The following ANKS1B variants were observed in gnomAD, a reference collection of about 807,000 sequenced individuals.
ANKS1B encodes ankyrin repeat and sterile alpha motif domain containing 1B.
Under a neutral mutation model 148.3 loss-of-function variants are expected in ANKS1B, and 36 were observed. The ratio of observed to expected loss-of-function variants is 0.24; its 90% CI spans 0.19 to 0.32. The LOEUF (loss-of-function observed/expected upper bound fraction) is 0.32. ANKS1B is among the 10% of genes least tolerant of loss of function. The probability of loss-of-function intolerance (pLI) is 1.00; values close to 1 mark genes in which losing one functional copy is unlikely to be tolerated. For missense variants in ANKS1B, 1,157 were observed against 1,542.6 expected (o/e 0.75, Z 4.19); for synonymous variants, 542 against 560.8 (o/e 0.97, Z 0.47).
chr12:99,242,742 A>G (rs907786507), intron 14 of ANKS1B, among the ~76,000 whole-genome samples: 2 of 152,196 alleles, frequency 1.3e-5, no homozygotes, highest in East Asian at 3.8e-4. Context: ...AACAACACAC[A>G]TCTACAACCA....
At chr12:99,869,937 CT>C (rs2091285564) in intron 1 of ANKS1B, among the ~76,000 whole-genome samples, 1 of 151,626 alleles carries the variant, frequency 6.6e-6, no homozygotes, top group Admixed American at 6.6e-5. Flanking sequence ...TTTTTTCTTG[CT>C]TTTTTTATAA....
At chr12:99,550,538 C>T (rs1401751243) in intron 9 of ANKS1B, among the ~76,000 whole-genome samples, 6 of 151,624 alleles carry the variant, frequency 4.0e-5, no homozygotes, top group Non-Finnish European at 7.4e-5. Flanking sequence ...GCAGGAGAAT[C>T]GCTTGAACCC....
In ANKS1B at chr12:99,426,068, T is replaced by C. The variant is rs965502521; in HGVS notation, c.1575+17605A>G. Among the ~76,000 whole-genome samples the C allele has an allele frequency of 4.6e-5, 7 of 152,166 alleles. No homozygotes were observed. In the East Asian group the frequency reaches 1.3e-3, roughly 29 times the overall value. On this transcript the variant is annotated intron_variant, in intron 11 of 26. Coordinates refer to ENST00000683438, the MANE Select transcript of ANKS1B (RefSeq NM_001352186.2). ...GTTAATAGAGAAATGACTGCTGAGC[T>C]AATCATTTGTAACTGTTGTGACAGA...
At chr12:99,750,735 T>A (rs1285307250) in intron 8 of ANKS1B, among the ~76,000 whole-genome samples, 1 of 152,038 alleles carries the variant, frequency 6.6e-6, no homozygotes, top group Non-Finnish European at 1.5e-5. Flanking sequence ...TACCACCTTT[T>A]GACAGATAAG....
At chr12:99,818,378 A>G (rs2082125556) in intron 2 of ANKS1B, among the ~76,000 whole-genome samples, 1 of 151,828 alleles carries the variant, frequency 6.6e-6, no homozygotes, top group Admixed American at 6.6e-5. Context: ...TGCTATAAAC[A>G]TGCGTGTTCA....
intron 1 of ANKS1B, among the ~76,000 whole-genome samples, chr12:99,965,100 G>T (rs1239235070): frequency 1.3e-5 from 2 of 152,116 alleles, no homozygotes; most frequent in African/African-American, 4.8e-5. Flanking sequence ...CACTCCAAAA[G>T]CCATGAGCAT....
chr12:99,488,108 G>A, intron 10 of ANKS1B, among the ~76,000 whole-genome samples: 1 of 151,964 alleles, frequency 6.6e-6, no homozygotes, highest in Admixed American at 6.6e-5. Flanking sequence ...CCTTTTTAAT[G>A]TTTTTAGCCT....
chr12:98,754,077 A>G (rs1176634783), intron 25 of ANKS1B, among the ~76,000 whole-genome samples: 2 of 152,162 alleles, frequency 1.3e-5, no homozygotes, highest in African/African-American at 4.8e-5. Flanking sequence ...TGAGCTTGAG[A>G]GTCGGTTTGA....
At chr12:98,778,014 G>C (rs910400542) in intron 24 of ANKS1B, among the ~76,000 whole-genome samples, 1 of 152,278 alleles carries the variant, frequency 6.6e-6, no homozygotes, top group South Asian at 2.1e-4. Context: ...CGTTCTTCAC[G>C]ACCAACAGGC....
At chr12:98,894,664 G>T (rs1359676440) in intron 17 of ANKS1B, 2 of 985,588 alleles carry the variant, frequency 2.0e-6, no homozygotes, top group African/African-American at 3.5e-5. Flanking sequence ...GCCGGGATCC[G>T]CGAGGGCTGG....
intron 17 of ANKS1B, among the ~76,000 whole-genome samples, chr12:99,029,998 G>T (rs2099951000): frequency 6.6e-6 from 1 of 152,226 alleles, no homozygotes; most frequent in African/African-American, 2.4e-5. Context: ...AAAGTAGAGG[G>T]AATTTATCCT....
chr12:99,463,142 A>G (rs2096014685), intron 10 of ANKS1B, among the ~76,000 whole-genome samples: 1 of 152,236 alleles, frequency 6.6e-6, no homozygotes, highest in South Asian at 2.1e-4. Flanking sequence ...AAAACTACCA[A>G]CAGGCACTTC....
chr12:99,202,812 T>C (rs372010139), intron 14 of ANKS1B, among the ~76,000 whole-genome samples: 4 of 152,336 alleles, frequency 2.6e-5, no homozygotes, highest in Non-Finnish European at 5.9e-5. Flanking sequence ...CTGAGGTTAC[T>C]GGTGTGGTTG....
At chr12:98,926,661 G>A (rs1237668090) in intron 17 of ANKS1B, among the ~76,000 whole-genome samples, 1 of 152,092 alleles carries the variant, frequency 6.6e-6, no homozygotes, top group Non-Finnish European at 1.5e-5. Context: ...TGAAAATAAC[G>A]TTTTGGCAAA....
At chr12:99,276,547 T>A (rs1377103622) in intron 12 of ANKS1B, among the ~76,000 whole-genome samples, 3 of 152,152 alleles carry the variant, frequency 2.0e-5, no homozygotes, top group Admixed American at 2.0e-4. Flanking sequence ...CTCTCACCTA[T>A]AAGGAGAGAG....
chr12:99,324,812 A>C (rs2085998677), intron 12 of ANKS1B, among the ~76,000 whole-genome samples: 1 of 152,156 alleles, frequency 6.6e-6, no homozygotes, highest in South Asian at 2.1e-4. Flanking sequence ...CTAAAAAGAA[A>C]TATCAGGCAC....
intron 9 of ANKS1B, among the ~76,000 whole-genome samples, chr12:99,617,240 CTCAA>C (rs1475587074): frequency 6.6e-6 from 1 of 152,136 alleles, no homozygotes; most frequent in Admixed American, 6.5e-5. Flanking sequence ...GCAGCAATTC[CTCAA>C]TGATATAAAA....
chr12:99,886,186 A>G (rs1396345894), intron 1 of ANKS1B, among the ~76,000 whole-genome samples: 9 of 152,228 alleles, frequency 5.9e-5, no homozygotes, highest in Admixed American at 5.9e-4. Context: ...TGATTCTTAA[A>G]TAATGGCCAT....
intron 10 of ANKS1B, among the ~76,000 whole-genome samples, chr12:99,476,766 T>G (rs1049619315): frequency 2.0e-5 from 3 of 152,172 alleles, no homozygotes; most frequent in Admixed American, 6.6e-5. Context: ...CCGCAAATGT[T>G]TATTATCTTG....
Sources: allele counts gnomAD v4.1 joint callset (sites outside exome capture counted in the v4.1 genomes callset), GRCh38; gene constraint gnomAD v4.1.1; transcripts MANE v1.5; gene names NCBI Gene and HGNC (gene_info 2026-07-23, HGNC 2026-07-21).